ITSN2: variants seen among roughly 807,000 people sequenced by gnomAD.
ITSN2 encodes intersectin 2, also known as intersectin-2.
In ITSN2, 156 loss-of-function variants were observed where a neutral mutation model predicts 243.7. The ratio of observed to expected loss-of-function variants is 0.64; its 90% CI spans 0.56 to 0.73. ITSN2 has a LOEUF of 0.73. Among genes scored for constraint, ITSN2 ranks in the 30% least tolerant of loss-of-function variants. The probability of loss-of-function intolerance (pLI) is 0.00; values close to 1 mark genes in which losing one functional copy is unlikely to be tolerated. For missense variants in ITSN2, 1,801 were observed against 1,996.1 expected (o/e 0.90, Z 1.86); for synonymous variants, 703 against 699.9 (o/e 1.00, Z -0.07).
Position 24,271,868 on chromosome 2 carries a change from G to A in ITSN2, c.2155C>T (p.Leu719Phe). 1.2e-6 allele frequency: 2 copies of A among 1,608,012 alleles called. No individual in the cohort carries two copies. The highest frequency in any genetic ancestry group is 1.3e-5 in the African/African-American group (1 of 74,486). The part of the protein sequence containing the change: ...RKEEEEKQKR[L>F]QEEKTQEKIQ... Reference sequence around the variant, plus strand: ...TTTTCTTGTGTTTTTTCTTCCTGGAGTCGCTTTTGTTTTTCTTCTTCCTCC... The same window carrying A: ...TTTTCTTGTGTTTTTTCTTCCTGGAATCGCTTTTGTTTTTCTTCTTCCTCC... Residue 719 changes from leucine to phenylalanine, a missense_variant, in exon 19 of 40, where the codon CTC becomes TTC. Physicochemically the swap from Leu to Phe is conservative, Grantham distance 22 (BLOSUM62 0). Around this residue, in one of 5 missense-constraint regions of ITSN2, gnomAD observed 787 missense variants for 803.9 expected, o/e 0.98. Transcript: ENST00000355123.
chr2:24,292,070 A>C (rs1446953691), intron 15 of ITSN2, among the ~76,000 whole-genome samples: 1 of 152,208 alleles, frequency 6.6e-6, no homozygotes, highest in African/African-American at 2.4e-5. Flanking sequence ...AGAATGCATC[A>C]AAACTGACTC....
At chr2:24,296,566 A>G (rs554623159) in intron 13 of ITSN2, among the ~76,000 whole-genome samples, 1 of 152,218 alleles carries the variant, frequency 6.6e-6, no homozygotes, top group Non-Finnish European at 1.5e-5. Flanking sequence ...CACCAGAGAT[A>G]AAATACACTC....
intron 23 of ITSN2, among the ~76,000 whole-genome samples, chr2:24,257,658 C>T (rs144338633): frequency 1.8e-4 from 28 of 151,868 alleles, no homozygotes; most frequent in East Asian, 1.7e-3. Flanking sequence ...GGTTTCACCA[C>T]GTCACCCAGG....
chr2:24,275,865 A>AAAT lies in ITSN2; in HGVS notation c.1945-19_1945-17dup. On this transcript the variant is annotated splice_polypyrimidine_tract_variant and intron_variant, in intron 17 of 39. Transcript: ENST00000355123. ...CTCTCAGTTCCTAAGGAGAAAAAGA[A>AAAT]AATAAGTCAATACGTGAATGATTTA... 6.4e-7 allele frequency: 1 copy of AAAT among 1,573,436 alleles called. No homozygotes were observed. The highest frequency in any genetic ancestry group is 8.6e-7 in the Non-Finnish European group (1 of 1,158,702).
At chr2:24,341,999 G>A (rs898566598) in intron 1 of ITSN2, among the ~76,000 whole-genome samples, 4 of 152,082 alleles carry the variant, frequency 2.6e-5, no homozygotes, top group Non-Finnish European at 5.9e-5. Flanking sequence ...TGGGAGAGAA[G>A]TTACCTAATG....
In ITSN2 at chr2:24,310,358, A is replaced by C; in HGVS notation, c.579T>G (p.Tyr193Ter). The change falls in exon 7 of 40, where the codon TAT becomes TAG. Residue 193 changes from tyrosine to a stop codon, truncating the protein, a stop_gained. Coordinates refer to ENST00000355123, the MANE Select transcript of ITSN2 (RefSeq NM_006277.3). LOFTEE classifies it high-confidence loss of function. ...SSSTLPHGSS[Y>*]SLMMGGFGGA... is the part of the protein sequence containing the mutation. ...CTCCAAATCCTCCCATCATCAGACT[A>C]TAAGATGACCCATGAGGCAATGCTA... 2 of 1,613,856 alleles carry C rather than the reference A, an allele frequency of 1.2e-6. No homozygotes were observed. The highest frequency in any genetic ancestry group is 1.7e-6 in the Non-Finnish European group (2 of 1,179,822).
In ITSN2 at chr2:24,328,120, A is replaced by G; in HGVS notation, c.-33-5T>C. 6.2e-7 allele frequency: 1 copy of G among 1,610,324 alleles called. No homozygotes were observed. Among genetic ancestry groups the G allele is most frequent in the Non-Finnish European group, 8.5e-7 (1 of 1,176,938 alleles). On this transcript the variant is annotated splice_polypyrimidine_tract_variant and splice_region_variant and intron_variant, in intron 1 of 39. Transcript: ENST00000355123. ...TCCTTGCTAGCTCTCAGCCATCTGC[A>G]ACATAAAAATATTGTGCCGTTGATA...
chr2:24,275,964 T>G (rs995978889), intron 17 of ITSN2, 115 bp from the exon 18 acceptor site: 12 of 710,066 alleles, frequency 1.7e-5, no homozygotes, highest in South Asian at 6.3e-5. Context: ...TGAACTAAAT[T>G]TAAAATATTT....
At chr2:24,320,316 G>A (rs1047970821) in intron 2 of ITSN2, among the ~76,000 whole-genome samples, 7 of 150,906 alleles carry the variant, frequency 4.6e-5, no homozygotes, top group Admixed American at 1.3e-4. Context: ...TCAGGAGATC[G>A]AGACCATCCT....
chr2:24,345,875 A>G (rs553757379), intron 1 of ITSN2, among the ~76,000 whole-genome samples: 1 of 152,320 alleles, frequency 6.6e-6, no homozygotes, highest in South Asian at 2.1e-4. Context: ...GTCTTGTCAT[A>G]CAAAGAAAGG....
rs186431106 is a variant in ITSN2 at position 24,207,827 on chromosome 2, G to A, written c.4678+410C>T. Among the ~76,000 whole-genome samples, 823 of 152,032 alleles carry A rather than the reference G, an allele frequency of 5.4e-3. 5 individuals are homozygous for A. The highest frequency in any genetic ancestry group is 0.01 in the Admixed American group (153 of 15,284). On this transcript the variant is annotated intron_variant, in intron 37 of 39. Coordinates refer to ENST00000355123, the MANE Select transcript of ITSN2 (RefSeq NM_006277.3). ...GGTCTAGGCCCCCTGGCTGCAAAGG[G>A]AGAGGGTGGATGGCAGGCCCTAGAG...
intron 1 of ITSN2, among the ~76,000 whole-genome samples, chr2:24,340,924 C>T (rs1052407803): frequency 6.6e-6 from 1 of 152,076 alleles, no homozygotes. Context: ...ACAACTCTGA[C>T]AAGCAGTATA....
chr2:24,218,406 G>T (rs1321861972), intron 30 of ITSN2, among the ~76,000 whole-genome samples: 1 of 152,194 alleles, frequency 6.6e-6, no homozygotes, highest in Non-Finnish European at 1.5e-5. Flanking sequence ...ACAACAATTT[G>T]TGAGACATTC....
At position 24,359,036 on chromosome 2, in the gene ITSN2, A is replaced by C. The variant is rs555301146; in HGVS notation, c.-34+1268T>G. On this transcript the variant is annotated intron_variant, in intron 1 of 39. Coordinates refer to ENST00000355123, the MANE Select transcript of ITSN2 (RefSeq NM_006277.3). ...TTTTCCACGTTTTCAAAAACATAAA[A>C]TACATCCACTTTATTTACTTTTGAA... Among the ~76,000 whole-genome samples the C allele has an allele frequency of 9.2e-5, 14 of 152,348 alleles. No homozygotes were observed. The South Asian group carries it at 2.9e-3, about 32-fold the overall frequency.
intron 25 of ITSN2, among the ~76,000 whole-genome samples, chr2:24,251,836 C>A (rs983964811): frequency 1.3e-5 from 2 of 151,876 alleles, no homozygotes; most frequent in Admixed American, 1.3e-4. Context: ...ATTAGCTATA[C>A]TGAACATACT....
intron 1 of ITSN2, among the ~76,000 whole-genome samples, chr2:24,352,529 C>T (rs2151945472): frequency 6.6e-6 from 1 of 152,148 alleles, no homozygotes; most frequent in Non-Finnish European, 1.5e-5. Flanking sequence ...GACCTAAAAG[C>T]CTCAAAGAGG....
At chr2:24,277,657 G>A (rs1678185121) in intron 17 of ITSN2, among the ~76,000 whole-genome samples, 1 of 152,156 alleles carries the variant, frequency 6.6e-6, no homozygotes, top group Non-Finnish European at 1.5e-5. Context: ...CTCAGGCTCT[G>A]TATACTAGCT....
In ITSN2 at chr2:24,257,916, T is replaced by C; in HGVS notation, c.2860A>G (p.Ile954Val). The C allele has an allele frequency of 6.2e-7, 1 of 1,613,876 alleles. No homozygotes were observed. The highest frequency in any genetic ancestry group is 8.5e-7 in the Non-Finnish European group (1 of 1,179,744). The change falls in exon 23 of 40, where the codon ATT becomes GTT. Residue 954 changes from isoleucine to valine, a missense_variant. Around this residue, in one of 5 missense-constraint regions of ITSN2, gnomAD observed 928 missense variants for 1,065.4 expected, o/e 0.87. Coordinates refer to ENST00000355123, the MANE Select transcript of ITSN2 (RefSeq NM_006277.3). ...GWFPKSYVKI[I>V]PGSEVKREEP... The stretch of plus-strand genomic sequence containing the variant: ...TCCCGTTTTACTTCACTCCCAGGAA[T>C]GATCTTGACATAAGATTTGGGAAAC...
At chr2:24,329,548 C>T (rs1685542188) in intron 1 of ITSN2, among the ~76,000 whole-genome samples, 1 of 152,184 alleles carries the variant, frequency 6.6e-6, no homozygotes, top group Admixed American at 6.5e-5. Flanking sequence ...GCTGGGATTA[C>T]AGGCCACTGT....
Sources: allele counts gnomAD v4.1 joint callset (sites outside exome capture counted in the v4.1 genomes callset), GRCh38; gene constraint gnomAD v4.1.1; regional missense constraint gnomAD v4.1.1; transcripts MANE v1.5; gene names NCBI Gene and HGNC (gene_info 2026-07-23, HGNC 2026-07-21).